STXBP3: variants seen among roughly 807,000 people sequenced by gnomAD.
STXBP3 encodes the protein syntaxin binding protein 3.
A neutral mutation model predicts 85.7 loss-of-function variants in STXBP3; 41 were observed. The observed-to-expected ratio is 0.48, with a 90% CI of 0.37 to 0.62. The LOEUF is 0.62. STXBP3 is among the 20% of genes least tolerant of loss of function. STXBP3 has a pLI of 0.00. For synonymous variants in STXBP3, 229 were observed against 231.7 expected, an observed-to-expected ratio of 0.99 and a Z score of 0.10; for missense variants, 563 against 703.1, an observed-to-expected ratio of 0.80 and a Z score of 2.25.
At chr1:108,749,330 G>T (rs61797292) in intron 1 of STXBP3, among the ~76,000 whole-genome samples, 7,354 of 152,260 alleles carry the variant, frequency 0.048, 220 homozygotes, top group Admixed American at 0.07. Flanking sequence ...GTAGCTGCTT[G>T]TATCTGTATT....
chr1:108,795,103 G>A (rs1177665209), intron 13 of STXBP3, among the ~76,000 whole-genome samples, 196 bp downstream of exon 13: 4 of 152,146 alleles, frequency 2.6e-5, no homozygotes, highest in Non-Finnish European at 5.9e-5. Flanking sequence ...GAGTATCTTA[G>A]TAAACAGTCC....
rs1354735696 is a variant in STXBP3, at chr1:108,794,871, C to G, written c.1074C>G (p.Phe358Leu). 1 of 1,610,154 alleles carries G rather than the reference C, an allele frequency of 6.2e-7. No homozygotes were observed. The highest frequency in any genetic ancestry group is 8.5e-7 in the Non-Finnish European group (1 of 1,177,912). The change falls in exon 13 of 19, where the codon TTC (phenylalanine) becomes TTG (leucine). Residue 358 changes from phenylalanine (F) to leucine (L), a missense_variant. By Grantham distance (22) the Phe-to-Leu change is conservative (BLOSUM62 0). Around this residue, in one of 3 missense-constraint regions of STXBP3, gnomAD observed 494 missense variants for 592.8 expected, o/e 0.83. Coordinates refer to ENST00000370008, the MANE Select transcript of STXBP3 (RefSeq NM_007269.4). ...TAGCAGAAGATTGCATGAATAAGTTCAAGCTTAATATAGAAAAGCTCTGCA... is the reference window on the plus strand; with the variant it reads ...TAGCAGAAGATTGCATGAATAAGTTGAAGCTTAATATAGAAAAGCTCTGCA... ...LNLAEDCMNK[F>L]KLNIEKLCKT... is the part of the protein sequence containing the mutation.
intron 8 of STXBP3, among the ~76,000 whole-genome samples, chr1:108,778,470 T>A (rs1238195606): frequency 6.6e-6 from 1 of 152,182 alleles, no homozygotes; most frequent in Non-Finnish European, 1.5e-5. Flanking sequence ...AGAGCACAGA[T>A]GTTGGAGCAA....
intron 6 of STXBP3, among the ~76,000 whole-genome samples, chr1:108,764,088 G>A (rs758690900): frequency 3.3e-5 from 5 of 151,844 alleles, no homozygotes; most frequent in South Asian, 2.1e-4. Flanking sequence ...CTTTGTGACC[G>A]TGTATTCTCA....
chr1:108,778,094 A>C (rs1662626420), intron 8 of STXBP3, among the ~76,000 whole-genome samples: 1 of 152,138 alleles, frequency 6.6e-6, no homozygotes, highest in Non-Finnish European at 1.5e-5. Context: ...GACCTAGCTG[A>C]TTTCCAAGGC....
intron 4 of STXBP3, among the ~76,000 whole-genome samples, chr1:108,757,764 T>C (rs1009477762): frequency 1.3e-5 from 2 of 152,016 alleles, no homozygotes; most frequent in African/African-American, 4.8e-5. Context: ...TTAGAGTTTA[T>C]TGTTAGGAAA....
intron 6 of STXBP3, among the ~76,000 whole-genome samples, chr1:108,762,956 G>T (rs1412946096): frequency 1.3e-5 from 2 of 152,186 alleles, no homozygotes; most frequent in Non-Finnish European, 2.9e-5. Flanking sequence ...CCTGGAACTA[G>T]AAACATACCC....
chr1:108,774,728 C>T lies in STXBP3; in HGVS notation c.594-1605C>T, dbSNP rs148182045. 2.2e-3 allele frequency among the ~76,000 whole-genome samples: 329 copies of T among 148,126 alleles called. 4 individuals are homozygous for T. Among genetic ancestry groups the T allele is most frequent in the African/African-American group, 7.7e-3 (309 of 40,372 alleles). On this transcript the variant is annotated intron_variant, in intron 7 of 18. Coordinates refer to ENST00000370008, the MANE Select transcript of STXBP3 (RefSeq NM_007269.4). Reference sequence around the variant, plus strand: ...TCCTGGGCTCAAGCAATCCACCTGCCTCTGCCTCCCAAAGTGCTGGGATTA... The same window carrying T: ...TCCTGGGCTCAAGCAATCCACCTGCTTCTGCCTCCCAAAGTGCTGGGATTA...
chr1:108,759,843 CAA>C, intron 5 of STXBP3, 140 bp from the exon 6 acceptor site: 1 of 527,840 alleles, frequency 1.9e-6, no homozygotes, highest in Non-Finnish European at 3.3e-6. Context: ...AAGCAAATAA[CAA>C]TATTTATATA....
At chr1:108,789,202 T>C (rs1400052370) in intron 11 of STXBP3, among the ~76,000 whole-genome samples, 1 of 152,278 alleles carries the variant, frequency 6.6e-6, no homozygotes, top group Non-Finnish European at 1.5e-5. Flanking sequence ...TCCTTCAGCT[T>C]ACTTTGTTTT....
At chr1:108,765,570 ATTTTT>A (rs35813823) in intron 6 of STXBP3, among the ~76,000 whole-genome samples, 47 of 67,170 alleles carry the variant, frequency 7.0e-4, no homozygotes, top group African/African-American at 2.5e-3. Flanking sequence ...CCACATGCTA[ATTTTT>A]TTTTTTTTTT....
chr1:108,787,796 TC>T (rs1289127134), intron 11 of STXBP3, among the ~76,000 whole-genome samples: 10 of 152,186 alleles, frequency 6.6e-5, no homozygotes, highest in Admixed American at 6.5e-4. Context: ...TTTTCTTTTT[TC>T]TTTTTTTTAA....
intron 8 of STXBP3, among the ~76,000 whole-genome samples, chr1:108,778,971 A>T (rs180939906): frequency 6.6e-6 from 1 of 152,018 alleles, no homozygotes; most frequent in East Asian, 1.9e-4. Flanking sequence ...AGTTGAAAAA[A>T]CTCTGAGTAT....
chr1:108,795,132 T>A (rs931033885), intron 13 of STXBP3, among the ~76,000 whole-genome samples: 2 of 152,180 alleles, frequency 1.3e-5, no homozygotes, highest in Non-Finnish European at 2.9e-5. Context: ...ATATTATATA[T>A]TTTTTGTTTA....
chr1:108,765,591 T>TTTTCC (rs796642937), intron 6 of STXBP3, among the ~76,000 whole-genome samples: 3 of 122,654 alleles, frequency 2.4e-5, no homozygotes, highest in East Asian at 4.1e-4. Context: ...TTTTTTTTTT[T>TTTTCC]TGAGACGGAG....
intron 8 of STXBP3, 121 bp from the exon 9 acceptor site, chr1:108,779,165 G>GT: frequency 9.5e-7 from 1 of 1,055,202 alleles, no homozygotes; most frequent in Non-Finnish European, 1.3e-6. Context: ...TCTGTTGTAT[G>GT]TTTTTGGTGG....
At chr1:108,795,052 T>A (rs771842264) in intron 13 of STXBP3, 145 bp downstream of exon 13, 19 of 598,092 alleles carry the variant, frequency 3.2e-5, no homozygotes, top group Middle Eastern at 8.8e-4. Context: ...ACCTAGGCAG[T>A]ATTTAATGTC....
chr1:108,790,962 C>T (rs376095002), intron 11 of STXBP3, among the ~76,000 whole-genome samples: 2 of 152,150 alleles, frequency 1.3e-5, no homozygotes, highest in East Asian at 1.9e-4. Context: ...TATAAACACT[C>T]AGTAGACTTT....
intron 17 of STXBP3, among the ~76,000 whole-genome samples, chr1:108,806,031 A>T (rs189569915): frequency 7.2e-5 from 11 of 152,376 alleles, no homozygotes; most frequent in Non-Finnish European, 1.5e-4. Flanking sequence ...AAAAAGAAGA[A>T]ATTAAGTTTT....
Sources: gnomAD v4.1 joint callset for allele counts (sites outside exome capture counted in the v4.1 genomes callset) on GRCh38, gnomAD v4.1.1 for gene constraint, gnomAD v4.1.1 regional missense constraint, MANE v1.5 for transcripts, NCBI Gene and HGNC (gene_info 2026-07-23, HGNC 2026-07-21) for gene names.